DIAPH3: variants seen among roughly 807,000 people sequenced by gnomAD.
DIAPH3 encodes diaphanous related formin 3, also known as protein diaphanous homolog 3.
Under a neutral mutation model 144.3 loss-of-function variants are expected in DIAPH3, and 117 were observed. That is an observed-to-expected ratio of 0.81 (90% CI 0.70 to 0.95). DIAPH3 has a LOEUF of 0.95. DIAPH3 is among the 40% of genes least tolerant of loss of function. The pLI, the probability that DIAPH3 is intolerant of heterozygous loss-of-function variation, is 0.00. For missense variants in DIAPH3, 1,421 were observed against 1,412.7 expected, an observed-to-expected ratio of 1.01 and a Z score of -0.09; for synonymous variants, 519 against 488.9, an observed-to-expected ratio of 1.06 and a Z score of -0.81.
Position 60,032,131 on chromosome 13 carries a change from G to T in DIAPH3, c.626+10559C>A, listed in dbSNP as rs879347735. On this transcript the variant is annotated intron_variant, in intron 5 of 27. Coordinates refer to ENST00000400324, the MANE Select transcript of DIAPH3 (RefSeq NM_001042517.2). The stretch of plus-strand genomic sequence containing the variant: ...GGCTCCCAAGGCCTTAGGTAGCTCT[G>T]CCCCTGTGGCTTTGCAGCGTGCACC... Among the ~76,000 whole-genome samples, 8 of 152,276 alleles carry T rather than the reference G, an allele frequency of 5.3e-5. 1 individual carries two copies. The highest frequency in any genetic ancestry group is 5.2e-4 in the Admixed American group (8 of 15,294).
At chr13:60,083,730 C>T (rs2057643124) in intron 4 of DIAPH3, among the ~76,000 whole-genome samples, 1 of 151,974 alleles carries the variant, frequency 6.6e-6, no homozygotes, top group African/African-American at 2.4e-5. Context: ...CCAAGGGACT[C>T]CCTCTCAAAA....
chr13:59,773,201 C>T (rs1309209300), intron 27 of DIAPH3, among the ~76,000 whole-genome samples: 1 of 152,098 alleles, frequency 6.6e-6, no homozygotes, highest in Non-Finnish European at 1.5e-5. Flanking sequence ...ATATTTTTAC[C>T]TTTACTGTCA....
At chr13:59,989,833 C>CA (rs1423287714) in intron 12 of DIAPH3, among the ~76,000 whole-genome samples, 1 of 151,848 alleles carries the variant, frequency 6.6e-6, no homozygotes, top group African/African-American at 2.4e-5. Flanking sequence ...TGCAGGACTA[C>CA]AGGCATGTTC....
chr13:59,878,905 T>C (rs1306308467), intron 21 of DIAPH3, among the ~76,000 whole-genome samples: 2 of 152,156 alleles, frequency 1.3e-5, no homozygotes, highest in Admixed American at 1.3e-4. Flanking sequence ...TATACAGGTA[T>C]CTGAACTGAG....
intron 4 of DIAPH3, among the ~76,000 whole-genome samples, chr13:60,045,112 C>G (rs1226767688): frequency 6.6e-6 from 1 of 152,046 alleles, no homozygotes; most frequent in African/African-American, 2.4e-5. Flanking sequence ...GAGGCTGAGG[C>G]GGGCGGATCA....
chr13:59,807,615 G>A (rs2040262101), intron 25 of DIAPH3, among the ~76,000 whole-genome samples: 2 of 151,844 alleles, frequency 1.3e-5, no homozygotes, highest in Admixed American at 1.3e-4. Context: ...ATGTTAAAAT[G>A]TATGATGCAT....
chr13:59,713,483 G>A (rs117618151), intron 27 of DIAPH3, among the ~76,000 whole-genome samples: 1,740 of 152,284 alleles, frequency 0.011, 18 homozygotes, highest in Middle Eastern at 0.017. Flanking sequence ...TGCAGGCACC[G>A]TGCAGAGTGA....
rs182594844 is a variant in DIAPH3 at position 59,823,194 on chromosome 13, C to T, written c.3027+9913G>A. On this transcript the variant is annotated intron_variant, in intron 24 of 27. Coordinates refer to ENST00000400324, the MANE Select transcript of DIAPH3 (RefSeq NM_001042517.2). The stretch of plus-strand genomic sequence containing the variant: ...TTATCCCATTTAGCAATGCATAGTA[C>T]GAATAAATCTTACCAAGAAAGAAAA... 3.6e-3 allele frequency among the ~76,000 whole-genome samples: 546 copies of T among 152,030 alleles called. 5 individuals carry two copies. Among genetic ancestry groups the T allele is most frequent in the African/African-American group, 0.012 (484 of 41,462 alleles).
chr13:59,773,814 T>C (rs1267353776), intron 27 of DIAPH3, among the ~76,000 whole-genome samples: 1 of 82,168 alleles, frequency 1.2e-5, no homozygotes, highest in African/African-American at 3.8e-5. Context: ...ATGTGGGAGA[T>C]TAAAACAAGA....
intron 9 of DIAPH3, among the ~76,000 whole-genome samples, chr13:59,998,804 T>C (rs35677449): frequency 0.022 from 3,377 of 152,164 alleles, 55 homozygotes; most frequent in Non-Finnish European, 0.032. Flanking sequence ...TCAATAAAAG[T>C]AGTAGTCAGA....
Position 59,839,392 on chromosome 13 carries a change from GC to G in DIAPH3, c.2793del (p.Gln931HisfsTer20). On this transcript the variant is annotated frameshift_variant, in exon 23 of 28. Transcript: ENST00000400324. LOFTEE classifies it high-confidence loss of function. ...NLRQMGRQLQQLEKELETFPP... is the reference protein window; with the variant it reads ...NLRQMGRQLQXLEKELETFPP... ...GGAAAGGTTTCCAATTCCTTCTCAA[GC>G]TGTTGAAGCTGCCTTCCCATCTGCC... is the stretch of plus-strand genomic sequence containing the variant. 1 of 1,613,726 alleles carries G rather than the reference GC, an allele frequency of 6.2e-7. No individual in the cohort carries two copies. The highest frequency in any genetic ancestry group is 8.5e-7 in the Non-Finnish European group (1 of 1,179,800).
At chr13:60,091,638 C>T (rs1022208547) in intron 4 of DIAPH3, among the ~76,000 whole-genome samples, 1 of 152,034 alleles carries the variant, frequency 6.6e-6, no homozygotes, top group Non-Finnish European at 1.5e-5. Context: ...GAAATGTGAA[C>T]TTACAAATAG....
intron 20 of DIAPH3, among the ~76,000 whole-genome samples, chr13:59,896,998 C>G (rs2046140103): frequency 6.6e-6 from 1 of 152,064 alleles, no homozygotes; most frequent in Admixed American, 6.6e-5. Flanking sequence ...TCAATTGTGT[C>G]TACTTGAAAG....
chr13:59,686,276 A>G (rs550664465), intron 27 of DIAPH3, among the ~76,000 whole-genome samples: 27 of 152,232 alleles, frequency 1.8e-4, no homozygotes, highest in Non-Finnish European at 3.4e-4. Context: ...AGATAATATG[A>G]TTACAGGCTA....
At chr13:59,905,207 G>A (rs186767347) in intron 20 of DIAPH3, among the ~76,000 whole-genome samples, 41 of 151,812 alleles carry the variant, frequency 2.7e-4, no homozygotes, top group African/African-American at 8.9e-4. Flanking sequence ...GCCGGGCGTG[G>A]TGGCGGGCGC....
intron 3 of DIAPH3, among the ~76,000 whole-genome samples, chr13:60,105,723 A>T (rs1352464471): frequency 6.6e-6 from 1 of 152,214 alleles, no homozygotes; most frequent in Non-Finnish European, 1.5e-5. Flanking sequence ...TCAAGCCTTA[A>T]TACACTTTTT....
At chr13:59,810,200 C>G (rs2040399983) in intron 25 of DIAPH3, among the ~76,000 whole-genome samples, 1 of 152,058 alleles carries the variant, frequency 6.6e-6, no homozygotes, top group Non-Finnish European at 1.5e-5. Context: ...CACTCTGTCT[C>G]CCAGGCTGGA....
intron 27 of DIAPH3, among the ~76,000 whole-genome samples, chr13:59,750,821 G>A (rs552269288): frequency 1.3e-5 from 2 of 152,280 alleles, no homozygotes; most frequent in East Asian, 1.9e-4. Context: ...CAGTTGCTAC[G>A]ATATGCCTAG....
At chr13:59,910,461 C>T (rs2140231098) in intron 20 of DIAPH3, among the ~76,000 whole-genome samples, 1 of 152,192 alleles carries the variant, frequency 6.6e-6, no homozygotes, top group South Asian at 2.1e-4. Context: ...GGTGGGGTGG[C>T]TCACACCTGT....
Sources: allele counts gnomAD v4.1 joint callset (sites outside exome capture counted in the v4.1 genomes callset), GRCh38; gene constraint gnomAD v4.1.1; transcripts MANE v1.5; gene names NCBI Gene and HGNC (gene_info 2026-07-23, HGNC 2026-07-21).